Variants in ATP8B4 observed in about 807,000 individuals in gnomAD.
ATP8B4 encodes the protein probable phospholipid-transporting ATPase IM.
A neutral mutation model predicts 145.6 loss-of-function variants in ATP8B4; 133 were observed. The observed-to-expected ratio is 0.91, with a 90% CI of 0.79 to 1.05. The LOEUF is 1.05. Among genes scored for constraint, ATP8B4 ranks in the 50% least tolerant of loss-of-function variants. The pLI, the probability that ATP8B4 is intolerant of heterozygous loss-of-function variation, is 0.00. For missense variants in ATP8B4, 1,458 were observed against 1,425.2 expected (o/e 1.02, Z -0.37); for synonymous variants, 507 against 492.9 (o/e 1.03, Z -0.38).
At chr15:50,088,981 C>CCTA in intron 2 of ATP8B4, among the ~76,000 whole-genome samples, 1 of 152,132 alleles carries the variant, frequency 6.6e-6, no homozygotes, top group East Asian at 1.9e-4. Context: ...TGTTTTTGTA[C>CCTA]CAGTACCATG....
chr15:49,998,133 C>T (rs1481390651), intron 8 of ATP8B4, among the ~76,000 whole-genome samples: 3 of 152,148 alleles, frequency 2.0e-5, no homozygotes, highest in Non-Finnish European at 4.4e-5. Context: ...TGAATTACTT[C>T]CTCAGGATCC....
At chr15:50,012,163 GAAGCCTTCTAAATCTCAT>G (rs1163299585) in intron 6 of ATP8B4, among the ~76,000 whole-genome samples, 3 of 152,254 alleles carry the variant, frequency 2.0e-5, no homozygotes, top group East Asian at 3.9e-4. Flanking sequence ...AAGAACCTAG[GAAGCCTTCTAAATCTCAT>G]TTATCTTTAC....
intron 14 of ATP8B4, among the ~76,000 whole-genome samples, chr15:49,946,101 C>T (rs1277055438): frequency 1.3e-5 from 2 of 152,052 alleles, no homozygotes; most frequent in Non-Finnish European, 2.9e-5. Flanking sequence ...ATCCTAGGTG[C>T]ACCATTTTTT....
chr15:49,930,930 G>T lies in ATP8B4; in HGVS notation c.1642+189C>A, dbSNP rs78638201. On this transcript the variant is annotated intron_variant, in intron 16 of 27. Transcript: ENST00000284509. Reference sequence around the variant, plus strand: ...TTTAGAACAGTGCTGGGCACATAATGAGCACTTGATAAATGTTAGTTATAT... The same window carrying T: ...TTTAGAACAGTGCTGGGCACATAATTAGCACTTGATAAATGTTAGTTATAT... 6.0e-3 allele frequency among the ~76,000 whole-genome samples: 915 copies of T among 152,038 alleles called. 14 individuals carry two copies. Among genetic ancestry groups the T allele is most frequent in the African/African-American group, 0.021 (890 of 41,498 alleles).
intron 14 of ATP8B4, among the ~76,000 whole-genome samples, chr15:49,935,665 C>T (rs1266417314): frequency 6.6e-6 from 1 of 152,104 alleles, no homozygotes. Context: ...GAGAAAATTA[C>T]TCTCAAACTT....
At chr15:50,033,593 T>C (rs920236342) in intron 6 of ATP8B4, among the ~76,000 whole-genome samples, 1 of 152,224 alleles carries the variant, frequency 6.6e-6, no homozygotes, top group Non-Finnish European at 1.5e-5. Context: ...AGGGGATACA[T>C]GTGCAGGATC....
chr15:50,072,054 TA>T (rs1316836697), intron 3 of ATP8B4, among the ~76,000 whole-genome samples: 1 of 150,872 alleles, frequency 6.6e-6, no homozygotes, highest in African/African-American at 2.4e-5. Context: ...ATTAATTAAT[TA>T]ATAATTGATT....
intron 13 of ATP8B4, among the ~76,000 whole-genome samples, chr15:49,970,318 G>C (rs1450347487): frequency 6.6e-6 from 1 of 152,206 alleles, no homozygotes; most frequent in Non-Finnish European, 1.5e-5. Flanking sequence ...GATAGGAAGA[G>C]AGGAAATCAA....
chr15:50,032,834 A>C (rs2050552849), intron 6 of ATP8B4, among the ~76,000 whole-genome samples: 1 of 152,182 alleles, frequency 6.6e-6, no homozygotes, highest in Non-Finnish European at 1.5e-5. Flanking sequence ...AAATATAAGA[A>C]AATAGTAACA....
chr15:49,963,478 T>C (rs577132857), intron 13 of ATP8B4, among the ~76,000 whole-genome samples: 52 of 152,288 alleles, frequency 3.4e-4, no homozygotes, highest in African/African-American at 1.2e-3. Flanking sequence ...ATTGCAACAC[T>C]AATCACAATA....
intron 20 of ATP8B4, among the ~76,000 whole-genome samples, chr15:49,908,981 G>A (rs1046810430): frequency 1.3e-5 from 2 of 152,068 alleles, no homozygotes; most frequent in African/African-American, 4.8e-5. Context: ...AGCCAGCACG[G>A]CCAGAGTGCA....
intron 3 of ATP8B4, among the ~76,000 whole-genome samples, chr15:50,070,759 G>T (rs1200940610): frequency 2.6e-5 from 4 of 151,858 alleles, no homozygotes; most frequent in African/African-American, 9.7e-5. Flanking sequence ...TTTGTTTTTT[G>T]ACATGGAGTC....
At chr15:49,986,539 T>C (rs894135916) in intron 10 of ATP8B4, among the ~76,000 whole-genome samples, 10 of 152,152 alleles carry the variant, frequency 6.6e-5, no homozygotes, top group South Asian at 2.1e-4. Flanking sequence ...TTTAGAGGAA[T>C]TGGGAGAACG....
intron 13 of ATP8B4, among the ~76,000 whole-genome samples, chr15:49,970,795 A>G (rs1011889120): frequency 3.3e-5 from 5 of 152,232 alleles, no homozygotes; most frequent in African/African-American, 1.2e-4. Context: ...TGGAACCAAA[A>G]AAGAGCCCAT....
intron 1 of ATP8B4, among the ~76,000 whole-genome samples, chr15:50,111,076 C>G (rs949455364): frequency 6.6e-6 from 1 of 152,230 alleles, no homozygotes; most frequent in Non-Finnish European, 1.5e-5. Context: ...CATGCTGGAA[C>G]TGCTATTTAA....
intron 1 of ATP8B4, among the ~76,000 whole-genome samples, chr15:50,130,986 C>G (rs1595630998): frequency 1.3e-5 from 2 of 152,198 alleles, no homozygotes; most frequent in South Asian, 4.1e-4. Flanking sequence ...AACTTACAAT[C>G]ATGGCAGAAG....
intron 15 of ATP8B4, among the ~76,000 whole-genome samples, chr15:49,932,557 G>T (rs910318187): frequency 1.3e-5 from 2 of 151,978 alleles, no homozygotes; most frequent in African/African-American, 4.8e-5. Context: ...AACTATAAAA[G>T]CATTTTAATA....
intron 2 of ATP8B4, among the ~76,000 whole-genome samples, chr15:50,093,672 TATAAG>T (rs1388069390): frequency 6.6e-6 from 1 of 152,108 alleles, no homozygotes; most frequent in Non-Finnish European, 1.5e-5. Flanking sequence ...CTATATTAGA[TATAAG>T]TAAGTAGACT....
At chr15:49,932,528 A>G (rs1278500227) in intron 15 of ATP8B4, among the ~76,000 whole-genome samples, 3 of 152,130 alleles carry the variant, frequency 2.0e-5, no homozygotes, top group African/African-American at 4.8e-5. Flanking sequence ...TGTCAGGACC[A>G]ATCTCAACTG....
Sources: allele counts gnomAD v4.1 joint callset (sites outside exome capture counted in the v4.1 genomes callset), GRCh38; gene constraint gnomAD v4.1.1; transcripts MANE v1.5; gene names NCBI Gene and HGNC (gene_info 2026-07-23, HGNC 2026-07-21).